Variants in RAB3IP observed in about 807,000 individuals in gnomAD.
RAB3IP encodes the protein RAB3A interacting protein.
RAB3IP carries 36 observed loss-of-function variants against 59.1 expected under a neutral mutation model. The ratio of observed to expected loss-of-function variants is 0.61; its 90% confidence interval spans 0.47 to 0.80. The LOEUF (loss-of-function observed/expected upper bound fraction) is 0.80, where lower values mean the gene tolerates loss of function less well. Among genes scored for constraint, RAB3IP ranks in the 30% least tolerant of loss-of-function variants. The probability of loss-of-function intolerance (pLI) is 0.00; values close to 1 mark genes in which losing one functional copy is unlikely to be tolerated. For synonymous variants in RAB3IP, 207 were observed against 191.2 expected (o/e 1.08, Z -0.68); for missense variants, 511 against 536.0 (o/e 0.95, Z 0.46).
At chr12:69,815,243 A>C in intron 10 of RAB3IP, 121 bp from the exon 11 acceptor site, 1 of 669,358 alleles carries the variant, frequency 1.5e-6, no homozygotes, top group South Asian at 2.1e-5. Context: ...TTATTGAAAA[A>C]ATGTAGGTAC....
chr12:69,784,056 T>A (rs1035210786), intron 3 of RAB3IP, among the ~76,000 whole-genome samples: 1 of 152,202 alleles, frequency 6.6e-6, no homozygotes, highest in African/African-American at 2.4e-5. Flanking sequence ...AAGATTAGTT[T>A]AGGGCTACTT....
intron 3 of RAB3IP, among the ~76,000 whole-genome samples, chr12:69,761,168 G>A (rs1340082157): frequency 6.6e-6 from 1 of 152,064 alleles, no homozygotes; most frequent in Non-Finnish European, 1.5e-5. Context: ...CTTTTCTTCT[G>A]AAATATCTAA....
At chr12:69,753,801 G>A (rs912156102) in intron 1 of RAB3IP, among the ~76,000 whole-genome samples, 4 of 152,022 alleles carry the variant, frequency 2.6e-5, no homozygotes, top group East Asian at 1.9e-4. Flanking sequence ...CAGCAGACAG[G>A]GAAAATCAAT....
intron 1 of RAB3IP, among the ~76,000 whole-genome samples, chr12:69,752,418 A>G (rs999148233): frequency 2.0e-5 from 3 of 151,864 alleles, no homozygotes; most frequent in Non-Finnish European, 2.9e-5. Flanking sequence ...TATATCTTCG[A>G]TGTCACTTCA....
At chr12:69,755,718 A>G in intron 2 of RAB3IP, 59 bp downstream of exon 2, 8 of 1,402,952 alleles carry the variant, frequency 5.7e-6, no homozygotes, top group Non-Finnish European at 7.8e-6. Context: ...TTGCTTAGTT[A>G]CTATATTTTA....
At chr12:69,798,070 C>T (rs1565916921) in intron 6 of RAB3IP, among the ~76,000 whole-genome samples, 1 of 152,122 alleles carries the variant, frequency 6.6e-6, no homozygotes, top group Non-Finnish European at 1.5e-5. Flanking sequence ...AATGGTATTT[C>T]TAGTTCTAGG....
intron 3 of RAB3IP, among the ~76,000 whole-genome samples, chr12:69,770,220 ATTATAGAG>A (rs1288996377): frequency 2.0e-5 from 3 of 152,308 alleles, no homozygotes; most frequent in African/African-American, 7.2e-5. Flanking sequence ...AATACACTTG[ATTATAGAG>A]TTGTAAATAT....
At chr12:69,770,519 A>G (rs1872941069) in intron 3 of RAB3IP, among the ~76,000 whole-genome samples, 1 of 152,172 alleles carries the variant, frequency 6.6e-6, no homozygotes, top group African/African-American at 2.4e-5. Context: ...GAATATGCAG[A>G]TGGAACCTGC....
chr12:69,765,802 G>A (rs1872110253), intron 3 of RAB3IP, among the ~76,000 whole-genome samples: 1 of 152,208 alleles, frequency 6.6e-6, no homozygotes. Flanking sequence ...TCTATGTTTA[G>A]AACTCTCTTA....
At chr12:69,768,539 G>T (rs1310409899) in intron 3 of RAB3IP, among the ~76,000 whole-genome samples, 3 of 152,112 alleles carry the variant, frequency 2.0e-5, no homozygotes, top group Non-Finnish European at 4.4e-5. Context: ...GCAGGTGGGT[G>T]CTCTGAATGC....
chr12:69,801,217 A>T (rs1878319727), intron 7 of RAB3IP, among the ~76,000 whole-genome samples: 1 of 152,204 alleles, frequency 6.6e-6, no homozygotes, highest in Non-Finnish European at 1.5e-5. Context: ...TATGCAGCTA[A>T]TTAATATATA....
At position 69,817,654 on chromosome 12, in the gene RAB3IP, A is replaced by T. The variant is rs1173319631; in HGVS notation, c.*2208A>T. 8.6e-3 allele frequency: 7 copies of T among 812 alleles called. No homozygotes were observed. Among genetic ancestry groups the T allele is most frequent in the Non-Finnish European group, 0.024 (6 of 250 alleles). 0.1% of individuals were successfully genotyped at this position (812 alleles called of 1,614,324 possible). A position where few individuals can be genotyped will look rare whatever the true frequency, so the allele number is the denominator to read the frequency against. ...TGGGAAAAATAGGGAAACTCCATTT[A>T]CACACACACACACACACACACACAC... On this transcript the variant is annotated 3_prime_UTR_variant, in exon 11 of 11. Transcript: ENST00000247833.
chr12:69,738,423 T>G (rs1311502975), upstream of RAB3IP: 3 of 152,146 alleles, frequency 2.0e-5, no homozygotes, highest in Non-Finnish European at 4.4e-5. Context: ...TCCCCTCCCA[T>G]CTCCCGCCAC....
chr12:69,752,309 A>G (rs1869456368), intron 1 of RAB3IP, among the ~76,000 whole-genome samples: 1 of 147,716 alleles, frequency 6.8e-6, no homozygotes, highest in Non-Finnish European at 1.5e-5. Flanking sequence ...TAGCCTTTCC[A>G]TTAAAAAAAA....
At chr12:69,768,582 T>A (rs1872606697) in intron 3 of RAB3IP, among the ~76,000 whole-genome samples, 1 of 152,084 alleles carries the variant, frequency 6.6e-6, no homozygotes, top group Non-Finnish European at 1.5e-5. Context: ...GTGAGAGGAC[T>A]CCACTGCACC....
chr12:69,818,512 ATGCT>A lies in RAB3IP; in HGVS notation c.*3070_*3073del, dbSNP rs1881375263. The A allele has an allele frequency of 6.6e-6, 1 of 152,126 alleles. No homozygotes were observed. The highest frequency in any genetic ancestry group is 6.5e-5 in the Admixed American group (1 of 15,268). The allele number at this position is 152,126 out of a possible 1,614,324, so 9.4% of individuals were successfully genotyped here. On this transcript the variant is annotated 3_prime_UTR_variant, in exon 11 of 11. Transcript: ENST00000247833. ...TCACTTTTCAGTATATACTTGAGAA[ATGCT>A]TGCACAGGTCCCCCAGATCACACAT... is the stretch of plus-strand genomic sequence containing the variant.
chr12:69,796,724 G>T, intron 6 of RAB3IP: 1 of 537,290 alleles, frequency 1.9e-6, no homozygotes, highest in Non-Finnish European at 3.3e-6. Flanking sequence ...AAATATTTAA[G>T]AAACTTCTTT....
intron 1 of RAB3IP, among the ~76,000 whole-genome samples, chr12:69,754,369 A>ACACACACACT: frequency 6.6e-6 from 1 of 151,544 alleles, no homozygotes; most frequent in Admixed American, 6.6e-5. Flanking sequence ...ACACACACAC[A>ACACACACACT]CTGTGTATAT....
At chr12:69,789,865 A>G (rs1211899128) in intron 4 of RAB3IP, among the ~76,000 whole-genome samples, 1 of 152,196 alleles carries the variant, frequency 6.6e-6, no homozygotes, top group Non-Finnish European at 1.5e-5. Flanking sequence ...CAGAAAAAGC[A>G]TTTGACAAAA....
Sources: gnomAD v4.1 joint callset for allele counts (sites outside exome capture counted in the v4.1 genomes callset) on GRCh38, gnomAD v4.1.1 for gene constraint, MANE v1.5 for transcripts, NCBI Gene and HGNC (gene_info 2026-07-23, HGNC 2026-07-21) for gene names.